AMOTL2: variants seen among roughly 807,000 people sequenced by gnomAD.
AMOTL2 encodes angiomotin like 2.
A neutral mutation model predicts 78.4 loss-of-function variants in AMOTL2; 33 were observed. The ratio of observed to expected loss-of-function variants is 0.42; its 90% CI spans 0.32 to 0.56. The LOEUF (loss-of-function observed/expected upper bound fraction) is 0.56. Among genes scored for constraint, AMOTL2 ranks in the 20% least tolerant of loss-of-function variants. AMOTL2 has a pLI of 0.12. For missense variants in AMOTL2, 983 were observed against 1,030.1 expected (o/e 0.95, Z 0.63); for synonymous variants, 422 against 428.8 (o/e 0.98, Z 0.20).
In AMOTL2 at chr3:134,360,204, G is replaced by A. The variant is rs2017290882; in HGVS notation, c.1785C>T (p.Asp595=). The A allele has an allele frequency of 6.2e-7, 1 of 1,614,014 alleles. No individual in the cohort carries two copies. The highest frequency in any genetic ancestry group is 8.5e-7 in the Non-Finnish European group (1 of 1,179,996). Residue 595 remains aspartate (D), a synonymous_variant, in exon 7 of 10, where the codon GAC becomes GAT. Transcript: ENST00000249883. ...DAAATAAAQR[D]TTLIRHSPQP... is the part of the protein sequence containing the mutation. ...GGGGGGAATGTCGGATGAGAGTGGTGTCACGCTGAGCAGCAGCCGTGGCAG... is the reference window on the plus strand; with the variant it reads ...GGGGGGAATGTCGGATGAGAGTGGTATCACGCTGAGCAGCAGCCGTGGCAG...
intron 2 of AMOTL2, 48 bp from the exon 3 acceptor site, chr3:134,367,851 G>A (rs1183468832): frequency 4.4e-6 from 7 of 1,594,042 alleles, no homozygotes; most frequent in Non-Finnish European, 5.1e-6. Flanking sequence ...GACCCTCATG[G>A]CTCCCACCAG....
intron 4 of AMOTL2, 96 bp from the exon 5 acceptor site, chr3:134,366,005 T>C (rs2017588335): frequency 1.5e-6 from 2 of 1,318,644 alleles, no homozygotes; most frequent in Admixed American, 1.8e-5. Context: ...GTATCCTCCA[T>C]ATTGGGGATG....
rs1231216875 is a variant in AMOTL2, at chr3:134,356,658, A to G, written c.*1047T>C. On this transcript the variant is annotated 3_prime_UTR_variant, in exon 10 of 10. Coordinates refer to ENST00000249883, the MANE Select transcript of AMOTL2 (RefSeq NM_016201.4). ...TGGGAATGAAGACACTTATGCTAAC[A>G]AGACATCTCCAGTTTCTCAGAAAGA... The G allele has an allele frequency of 6.6e-6, 1 of 152,618 alleles. No homozygotes were observed. The highest frequency in any genetic ancestry group is 1.5e-5 in the Non-Finnish European group (1 of 68,044). The allele number at this position is 152,618 out of a possible 1,614,324, so 9.5% of individuals were successfully genotyped here. A position where few individuals can be genotyped will look rare whatever the true frequency, so the allele number is the denominator to read the frequency against.
chr3:134,372,548 C>CACACACACACACAA (rs1268109465), intron 1 of AMOTL2, among the ~76,000 whole-genome samples: 13 of 151,746 alleles, frequency 8.6e-5, no homozygotes, highest in African/African-American at 2.9e-4. Flanking sequence ...CACACACACA[C>CACACACACACACAA]ACACACACAA....
chr3:134,360,394 C>G lies in AMOTL2; in HGVS notation c.1595G>C (p.Gly532Ala), dbSNP rs1390666109. The G allele has an allele frequency of 5.0e-6, 8 of 1,611,774 alleles. No homozygotes were observed. The highest frequency in any genetic ancestry group is 6.8e-6 in the Non-Finnish European group (8 of 1,178,774). ...AGACCCACCACTGCCACTGCTACCA[C>G]CTGGGGCACCTGCCTGTCTCTGCAG... is the stretch of plus-strand genomic sequence containing the variant. ...RAQQRQAGAP[G>A]GSSGSGGSPE... Residue 532 changes from glycine to alanine, a missense_variant, in exon 7 of 10, where the codon GGT becomes GCT. Physicochemically the swap from Gly to Ala is moderately conservative, Grantham distance 60. Transcript: ENST00000249883.
chr3:134,375,091 A>C, upstream of AMOTL2: 1 of 1,489,830 alleles, frequency 6.7e-7, no homozygotes, highest in Non-Finnish European at 8.9e-7. Context: ...CTTTGAATGC[A>C]CTTTTGTTTA....
upstream of AMOTL2, chr3:134,374,748 G>C (rs2018027908): frequency 1.0e-6 from 1 of 990,400 alleles, no homozygotes; most frequent in South Asian, 4.6e-5. Flanking sequence ...TGCCTTCGGA[G>C]CTGCTGGAGA....
At position 134,371,303 on chromosome 3, in the gene AMOTL2, C is replaced by G. The variant is rs1447744450; in HGVS notation, c.131G>C (p.Gly44Ala). The G allele has an allele frequency of 1.2e-6, 2 of 1,612,298 alleles. No individual in the cohort carries two copies. Among genetic ancestry groups the G allele is most frequent in the Admixed American group, 1.7e-5 (1 of 60,026 alleles). The change falls in exon 2 of 10, where the codon GGA becomes GCA. Residue 44 changes from glycine (G) to alanine (A), a missense_variant. Gly to Ala is a moderately conservative substitution (Grantham distance 60). Coordinates refer to ENST00000249883, the MANE Select transcript of AMOTL2 (RefSeq NM_016201.4). ...CTGGGGGCTCCCTGTACCCCCAGTT[C>G]CAGCCCCACCCCTCAGGGCCTGCTG... ...IQQQALRGGA[G>A]TGGTGSPQAS...
intron 4 of AMOTL2, 50 bp downstream of exon 4, chr3:134,366,231 GTA>G: frequency 1.3e-6 from 1 of 748,958 alleles, no homozygotes; most frequent in Non-Finnish European, 2.0e-6. Flanking sequence ...AACAAAAGAA[GTA>G]AGTCCTCTGC....
At position 134,360,185 on chromosome 3, in the gene AMOTL2, A is replaced by G. The variant is rs2017289670; in HGVS notation, c.1804T>C (p.Ser602Pro). 1.2e-6 allele frequency: 2 copies of G among 1,613,890 alleles called. No homozygotes were observed. The highest frequency in any genetic ancestry group is 2.7e-5 in the African/African-American group (2 of 74,970). Residue 602 changes from serine (S) to proline (P), a missense_variant, in exon 7 of 10, where the codon TCC becomes CCC. Transcript: ENST00000249883. ...CTGCTGCTGGGTGAGGGCTGGGGGG[A>G]ATGTCGGATGAGAGTGGTGTCACGC... ...AQRDTTLIRHSPQPSPSSSFN... is the reference protein window; with the variant it reads ...AQRDTTLIRHPPQPSPSSSFN...
At chr3:134,367,993 G>A (rs189134590) in intron 2 of AMOTL2, 190 bp from the exon 3 acceptor site, 6 of 524,570 alleles carry the variant, frequency 1.1e-5, no homozygotes, top group Middle Eastern at 1.0e-3. Context: ...CAGTAGGGAA[G>A]GCCTTTTCCA....
chr3:134,358,270 A>G (rs1354456065), intron 9 of AMOTL2, among the ~76,000 whole-genome samples: 1 of 152,224 alleles, frequency 6.6e-6, no homozygotes, highest in Non-Finnish European at 1.5e-5. Context: ...AAGAGGAGCT[A>G]AAGTGCCTCC....
chr3:134,373,439 C>T, intron 1 of AMOTL2: 1 of 983,336 alleles, frequency 1.0e-6, no homozygotes, highest in Non-Finnish European at 1.2e-6. Flanking sequence ...CGGCCAAGCC[C>T]CTCAGATTCA....
chr3:134,364,722 G>C (rs546919762), intron 5 of AMOTL2, among the ~76,000 whole-genome samples: 19 of 151,900 alleles, frequency 1.3e-4, no homozygotes, highest in Non-Finnish European at 2.2e-4. Context: ...GCCAGCCAGA[G>C]CTAAGTCCTC....
chr3:134,372,780 T>G (rs576332159), intron 1 of AMOTL2, among the ~76,000 whole-genome samples: 11 of 152,218 alleles, frequency 7.2e-5, no homozygotes, highest in African/African-American at 2.6e-4. Flanking sequence ...AGTTCCCTTC[T>G]AAGCCTGGGC....
At chr3:134,360,010 GA>G in intron 7 of AMOTL2, 95 bp downstream of exon 7, 1 of 1,347,730 alleles carries the variant, frequency 7.4e-7, no homozygotes, top group Non-Finnish European at 1.0e-6. Context: ...GCTCTATGGG[GA>G]AAGGGGCCTG....
intron 6 of AMOTL2, 77 bp downstream of exon 6, chr3:134,361,435 A>G (rs2017356713): frequency 1.4e-6 from 2 of 1,464,022 alleles, no homozygotes; most frequent in Admixed American, 2.3e-5. Context: ...CCTGGCCTCC[A>G]AACCTACAGT....
intron 5 of AMOTL2, among the ~76,000 whole-genome samples, chr3:134,365,548 C>T (rs887770513): frequency 1.3e-5 from 2 of 152,214 alleles, no homozygotes; most frequent in African/African-American, 2.4e-5. Flanking sequence ...TGGTCAGCAC[C>T]GAAGCTCAGC....
intron 2 of AMOTL2, 50 bp downstream of exon 2, chr3:134,370,650 T>A: frequency 6.7e-7 from 1 of 1,495,692 alleles, no homozygotes; most frequent in Admixed American, 2.3e-5. Context: ...CTGAGAGACC[T>A]GTGCTGGAAG....
Sources: allele counts gnomAD v4.1 joint callset (sites outside exome capture counted in the v4.1 genomes callset), GRCh38; gene constraint gnomAD v4.1.1; transcripts MANE v1.5; gene names NCBI Gene and HGNC (gene_info 2026-07-23, HGNC 2026-07-21).